SYMPK: variants seen among roughly 807,000 people sequenced by gnomAD.
SYMPK encodes the protein symplekin scaffold protein, also known as symplekin.
A neutral mutation model predicts 136.4 loss-of-function variants in SYMPK; 49 were observed. The observed-to-expected ratio is 0.36, with a 90% confidence interval of 0.29 to 0.46. The LOEUF is 0.46. Among genes scored for constraint, SYMPK ranks in the 20% least tolerant of loss-of-function variants. The probability of loss-of-function intolerance (pLI) is 1.00; values close to 1 mark genes in which losing one functional copy is unlikely to be tolerated. For synonymous variants in SYMPK, 766 were observed against 713.0 expected (o/e 1.07, Z -1.19); for missense variants, 1,365 against 1,690.0 (o/e 0.81, Z 3.37).
chr19:45,827,994 A>G (rs1230788841), intron 14 of SYMPK, 76 bp from the exon 15 acceptor site: 1 of 1,381,968 alleles, frequency 7.2e-7, no homozygotes, highest in African/African-American at 1.4e-5. Context: ...GAATTGTAGG[A>G]GCTCAGGGCC....
At position 45,829,008 on chromosome 19, in the gene SYMPK, C is replaced by T. The variant is rs781486980; in HGVS notation, c.1947G>A (p.Leu649=). The change falls in exon 14 of 27, where the codon CTG becomes CTA. Residue 649 remains leucine (L), a synonymous_variant. Coordinates refer to ENST00000245934, the MANE Select transcript of SYMPK (RefSeq NM_004819.3). ...CTGGTTTCTCCTGCAGGCCAGACAA[C>T]AGGCGGATGAGGCAGTCCTCATACT... ...LDKYEDCLIR[L]LSGLQEKPDQ... 6.2e-7 allele frequency: 1 copy of T among 1,614,062 alleles called. No homozygotes were observed. The highest frequency in any genetic ancestry group is 8.5e-7 in the Non-Finnish European group (1 of 1,180,046).
Position 45,815,433 on chromosome 19 carries a change from T to TC in SYMPK, c.*126dup, listed in dbSNP as rs1568603701. 459 of 1,058,396 alleles carry TC rather than the reference T, an allele frequency of 4.3e-4. No individual in the cohort carries two copies. The highest frequency in any genetic ancestry group is 2.0e-3 in the East Asian group (68 of 34,402). 65.6% of individuals were successfully genotyped at this position (1,058,396 alleles called of 1,614,324 possible). On this transcript the variant is annotated 3_prime_UTR_variant, in exon 27 of 27. Coordinates refer to ENST00000245934, the MANE Select transcript of SYMPK (RefSeq NM_004819.3). ...CAGGCCCGCCATCCCTTTTTTTTTT[T>TC]CTTTTCAGTAACTTGCCCAAGTTCA...
At chr19:45,827,353 A>AAAAC (rs5828251) in intron 16 of SYMPK, among the ~76,000 whole-genome samples, 157 bp downstream of exon 16, 117,606 of 150,414 alleles carry the variant, frequency 0.78, 45,807 homozygotes, top group African/African-American at 0.85. Context: ...AAATGAAAAT[A>AAAAC]AAACAGACAG....
At chr19:45,825,365 A>G (rs781006106) in intron 17 of SYMPK, 34 bp from the exon 18 acceptor site, 1 of 1,605,078 alleles carries the variant, frequency 6.2e-7, no homozygotes, top group South Asian at 1.1e-5. Flanking sequence ...AGATTGGCCC[A>G]CACTCTTCTC....
At position 45,815,914 on chromosome 19, in the gene SYMPK, A is replaced by T; in HGVS notation, c.3624T>A (p.Asp1208Glu). The change falls in exon 26 of 27, where the codon GAT becomes GAA. Residue 1208 changes from aspartate to glutamate, a missense_variant. Asp to Glu is a conservative substitution (Grantham distance 45). Transcript: ENST00000245934. ...CGGCCTCGGTCAGCCCCGAGTCGTCATCCATGCTGATGAAGATGCCCGGGG... is the reference window on the plus strand; with the variant it reads ...CGGCCTCGGTCAGCCCCGAGTCGTCTTCCATGCTGATGAAGATGCCCGGGG... Reference protein sequence around the residue: ...CETPGIFISMDDDSGLTEAAL... With the variant: ...CETPGIFISMEDDSGLTEAAL... The T allele has an allele frequency of 6.2e-7, 1 of 1,612,232 alleles. No individual in the cohort carries two copies. The highest frequency in any genetic ancestry group is 8.5e-7 in the Non-Finnish European group (1 of 1,179,846).
At position 45,815,422 on chromosome 19, in the gene SYMPK, C is replaced by CA. The variant is rs1970699066; in HGVS notation, c.*137_*138insT. ...CACCCGCGCCCCAGGCCCGCCATCC[C>CA]TTTTTTTTTTTCTTTTCAGTAACTT... On this transcript the variant is annotated 3_prime_UTR_variant, in exon 27 of 27. Coordinates refer to ENST00000245934, the MANE Select transcript of SYMPK (RefSeq NM_004819.3). 15 of 666,714 alleles carry CA rather than the reference C, an allele frequency of 2.2e-5. No individual in the cohort carries two copies. The highest frequency in any genetic ancestry group is 3.1e-5 in the Non-Finnish European group (15 of 487,614). 41.3% of individuals were successfully genotyped at this position (666,714 alleles called of 1,614,324 possible). A position where few individuals can be genotyped will look rare whatever the true frequency, so the allele number is the denominator to read the frequency against.
At chr19:45,841,818 CAT>C (rs1249823369) in intron 9 of SYMPK, among the ~76,000 whole-genome samples, 3 of 152,048 alleles carry the variant, frequency 2.0e-5, no homozygotes, top group African/African-American at 4.8e-5. Flanking sequence ...TGGAGGAAAA[CAT>C]AAAGAAGTGT....
intron 1 of SYMPK, chr19:45,862,405 A>G (rs1275532898): frequency 1.3e-5 from 2 of 152,148 alleles, no homozygotes; most frequent in Non-Finnish European, 2.9e-5. Flanking sequence ...TTATTCCTTC[A>G]ACGAACATTA....
Position 45,818,064 on chromosome 19 carries a change from G to A in SYMPK, c.2976C>T (p.Ser992=). 1.3e-6 allele frequency: 2 copies of A among 1,564,674 alleles called. No individual in the cohort carries two copies. Among genetic ancestry groups the A allele is most frequent in the Non-Finnish European group, 1.7e-6 (2 of 1,154,620 alleles). Residue 992 remains serine, a synonymous_variant, in exon 23 of 27, where the codon AGC becomes AGT. Coordinates refer to ENST00000245934, the MANE Select transcript of SYMPK (RefSeq NM_004819.3). ...TCCTCATGAGCAGCATGGGCAGGGG[G>A]CTCTGCTCCATCAGCTGCTGCATCA... ...AVVMQQLMEQ[S]PLPMLLMRTV... is the part of the protein sequence containing the mutation.
intron 5 of SYMPK, among the ~76,000 whole-genome samples, chr19:45,850,244 C>CA (rs948135113): frequency 1.3e-5 from 2 of 151,782 alleles, no homozygotes; most frequent in Non-Finnish European, 2.9e-5. Context: ...GATTCCATCT[C>CA]AAAAAAATAA....
rs149332632 is a variant in SYMPK at position 45,855,694 on chromosome 19, C to CA, written c.-12-1188dup. The CA allele has an allele frequency of 3.6e-3, 532 of 147,190 alleles. 7 individuals carry two copies. Among genetic ancestry groups the CA allele is most frequent in the African/African-American group, 0.011 (451 of 39,872 alleles). The allele number at this position is 147,190 out of a possible 1,614,324, so 9.1% of individuals were successfully genotyped here. On this transcript the variant is annotated intron_variant, in intron 1 of 26. Transcript: ENST00000245934. ...GTGTTGACTGTATGTTTCTGTTTTA[C>CA]AAAAAAAAAAGAAAAATGAGGCCAG...
At chr19:45,853,170 G>A (rs1422347771) in intron 3 of SYMPK, among the ~76,000 whole-genome samples, 3 of 152,172 alleles carry the variant, frequency 2.0e-5, no homozygotes, top group African/African-American at 7.2e-5. Flanking sequence ...CGGAGGTGGG[G>A]CTACTCCACA....
chr19:45,849,494 C>G (rs1971647287), intron 5 of SYMPK, among the ~76,000 whole-genome samples: 1 of 152,148 alleles, frequency 6.6e-6, no homozygotes, highest in South Asian at 2.1e-4. Flanking sequence ...AGAATTTTCA[C>G]AGCATACATT....
In SYMPK at chr19:45,821,610, G is replaced by C. The variant is rs1000146796; in HGVS notation, c.2792-125C>G. 7.4e-6 allele frequency: 5 copies of C among 678,180 alleles called. No homozygotes were observed. The highest frequency in any genetic ancestry group is 5.5e-5 in the East Asian group (2 of 36,248). 42.0% of individuals were successfully genotyped at this position (678,180 alleles called of 1,614,324 possible). A position where few individuals can be genotyped will look rare whatever the true frequency, so the allele number is the denominator to read the frequency against. ...GAGGTGCCCTCTGCTTTCAGGGCTG[G>C]AACAGGGGAAGCGACTGACAACATA... On this transcript the variant is annotated intron_variant, in intron 21 of 26. Transcript: ENST00000245934. The surrounding 1 kb of genome is among the most constrained non-coding windows in gnomAD (Gnocchi z 4.4).
chr19:45,821,429 G>A lies in SYMPK; in HGVS notation c.2848C>T (p.His950Tyr). The A allele has an allele frequency of 1.2e-6, 2 of 1,614,120 alleles. No individual in the cohort carries two copies. Among genetic ancestry groups the A allele is most frequent in the Non-Finnish European group, 1.7e-6 (2 of 1,180,014 alleles). The change falls in exon 22 of 27, where the codon CAC becomes TAC. Residue 950 changes from histidine (H) to tyrosine (Y), a missense_variant. Coordinates refer to ENST00000245934, the MANE Select transcript of SYMPK (RefSeq NM_004819.3). This position sits in a 1 kb window ranked among gnomAD's most constrained non-coding sequence, Gnocchi z 4.4. ...TCGCACTTCACGGAGTCAATGTTGT[G>A]TAATGCGATCAGGAGCTCTCCAGGG... is the stretch of plus-strand genomic sequence containing the variant. Reference protein sequence around the residue: ...LNPGELLIALHNIDSVKCDMK... With the variant: ...LNPGELLIALYNIDSVKCDMK...
intron 18 of SYMPK, among the ~76,000 whole-genome samples, chr19:45,824,412 A>ACTTTTCTGCAAAGTGAGATC (rs1970989421): frequency 6.6e-6 from 1 of 151,988 alleles, no homozygotes; most frequent in Non-Finnish European, 1.5e-5. Flanking sequence ...CCTGCCAGAT[A>ACTTTTCTGCAAAGTGAGATC]ACTTTTCTGC....
chr19:45,838,480 G>A lies in SYMPK; in HGVS notation c.1223C>T (p.Pro408Leu), dbSNP rs1208996600. 1 of 1,613,750 alleles carries A rather than the reference G, an allele frequency of 6.2e-7. No homozygotes were observed. Among genetic ancestry groups the A allele is most frequent in the Non-Finnish European group, 8.5e-7 (1 of 1,179,848 alleles). ...TAEFLQPLLT[P>L]DNVANLVLIS... ...CCTCACCAGATTAGCCACATTATCAGGCGTCAGCAGAGGCTGCAGGAACTC... is the reference window on the plus strand; with the variant it reads ...CCTCACCAGATTAGCCACATTATCAAGCGTCAGCAGAGGCTGCAGGAACTC... The change falls in exon 10 of 27, where the codon CCT becomes CTT. Residue 408 changes from proline to leucine, a missense_variant. By Grantham distance (98) the Pro-to-Leu change is moderately conservative. Coordinates refer to ENST00000245934, the MANE Select transcript of SYMPK (RefSeq NM_004819.3).
At chr19:45,826,444 T>C (rs1971045813) in intron 16 of SYMPK, 71 bp from the exon 17 acceptor site, 2 of 1,526,970 alleles carry the variant, frequency 1.3e-6, no homozygotes, top group Non-Finnish European at 1.8e-6. Context: ...CCTGCGAGCA[T>C]GGCAACACTC....
chr19:45,827,269 C>T (rs1028960058), intron 16 of SYMPK, among the ~76,000 whole-genome samples: 1 of 152,148 alleles, frequency 6.6e-6, no homozygotes, highest in African/African-American at 2.4e-5. Context: ...GGCAAGCGCA[C>T]GTGTGTGTGT....
Sources: allele counts gnomAD v4.1 joint callset (sites outside exome capture counted in the v4.1 genomes callset), GRCh38; gene constraint gnomAD v4.1.1; non-coding constraint Gnocchi (gnomAD v3.1); transcripts MANE v1.5; gene names NCBI Gene and HGNC (gene_info 2026-07-23, HGNC 2026-07-21).